The following PIWIL2 variants were observed in gnomAD, a reference collection of about 807,000 sequenced individuals.
PIWIL2 encodes the protein piwi like RNA-mediated gene silencing 2.
A neutral mutation model predicts 116.5 loss-of-function variants in PIWIL2; 81 were observed. The observed-to-expected ratio is 0.70, with a 90% CI of 0.58 to 0.84. PIWIL2 has a LOEUF of 0.84. PIWIL2 is among the 40% of genes least tolerant of loss of function. The probability of loss-of-function intolerance (pLI) is 0.00; values close to 1 mark genes in which losing one functional copy is unlikely to be tolerated. For synonymous variants in PIWIL2, 489 were observed against 429.5 expected (o/e 1.14, Z -1.71); for missense variants, 1,272 against 1,212.3 (o/e 1.05, Z -0.73).
At chr8:22,326,851 T>A (rs911097545) in intron 20 of PIWIL2, among the ~76,000 whole-genome samples, 7 of 152,108 alleles carry the variant, frequency 4.6e-5, no homozygotes, top group Admixed American at 4.6e-4. Flanking sequence ...CTTTTTGATA[T>A]ATACCTAGGA....
intron 2 of PIWIL2, among the ~76,000 whole-genome samples, chr8:22,280,144 C>A (rs996517985): frequency 1.3e-5 from 2 of 152,250 alleles, no homozygotes; most frequent in East Asian, 3.9e-4. Context: ...CTCTAGCTTC[C>A]GATCATCCCT....
At chr8:22,328,358 A>G (rs1831775397) in intron 20 of PIWIL2, among the ~76,000 whole-genome samples, 1 of 152,154 alleles carries the variant, frequency 6.6e-6, no homozygotes, top group Non-Finnish European at 1.5e-5. Flanking sequence ...TTGAAATTGG[A>G]GAGTGTGAGT....
In PIWIL2 at chr8:22,275,323, C is replaced by T. The variant is rs1002237942; in HGVS notation, c.-122C>T. 1.5e-4 allele frequency: 23 copies of T among 150,646 alleles called. No individual in the cohort carries two copies. Among genetic ancestry groups the T allele is most frequent in the African/African-American group, 4.6e-4 (19 of 41,438 alleles). The allele number at this position is 150,646 out of a possible 1,614,324, so 9.3% of individuals were successfully genotyped here. ...AAATTGGCCCTGGAGCATGTGGGCC[C>T]CGGGGCGTGGGTTGAGCTCGGTCTT... On this transcript the variant is annotated 5_prime_UTR_variant, in exon 1 of 23. Coordinates refer to ENST00000356766, the MANE Select transcript of PIWIL2 (RefSeq NM_018068.5).
chr8:22,353,667 G>GA, intron 21 of PIWIL2, among the ~76,000 whole-genome samples: 1 of 146,360 alleles, frequency 6.8e-6, no homozygotes, highest in South Asian at 2.3e-4. Context: ...TTAAAAACAA[G>GA]AAAGCTTTTA....
chr8:22,277,180 C>T (rs1410144508), intron 1 of PIWIL2, among the ~76,000 whole-genome samples: 1 of 152,042 alleles, frequency 6.6e-6, no homozygotes, highest in East Asian at 1.9e-4. Context: ...CACCACCATG[C>T]CTGGCTAATT....
chr8:22,354,275 G>A lies in PIWIL2; in HGVS notation c.2662G>A (p.Asp888Asn). 1.2e-6 allele frequency: 2 copies of A among 1,608,116 alleles called. No individual in the cohort carries two copies. The highest frequency in any genetic ancestry group is 4.5e-5 in the East Asian group (2 of 44,850). The change falls in exon 22 of 23, where the codon GAT (aspartate) becomes AAT (asparagine). Residue 888 changes from aspartate (D) to asparagine (N), a missense_variant. Asp to Asn is a conservative substitution (Grantham distance 23). Coordinates refer to ENST00000356766, the MANE Select transcript of PIWIL2 (RefSeq NM_018068.5). ...ATTTATGGTTTTCCTTCCTAGGGTG[G>A]ATTTCTATCTTCTTGCCCATCATGT... ...DHTITSCEWV[D>N]FYLLAHHVRQ...
rs149358317 is a variant in PIWIL2 at position 22,308,837 on chromosome 8, C to T, written c.1686+764C>T. 5.5e-4 allele frequency among the ~76,000 whole-genome samples: 84 copies of T among 152,160 alleles called. No individual in the cohort carries two copies. In the East Asian group the frequency reaches 0.016, roughly 28 times the overall value. ...CTAATTTTTGTATTTTTAGTAGAGA[C>T]GGAGTTTCACCATGTTGCCATGGCT... On this transcript the variant is annotated intron_variant, in intron 14 of 22. Transcript: ENST00000356766.
At position 22,297,147 on chromosome 8, in the gene PIWIL2, C is replaced by T. The variant is rs145442655; in HGVS notation, c.1181+6801C>T. On this transcript the variant is annotated intron_variant, in intron 10 of 22. Coordinates refer to ENST00000356766, the MANE Select transcript of PIWIL2 (RefSeq NM_018068.5). ...GGGACTACAGGGATGCACCATCACA[C>T]CTGGCTAATGTTTTAATTTTTTCAT... Among the ~76,000 whole-genome samples the T allele has an allele frequency of 1.4e-4, 21 of 152,066 alleles. No homozygotes were observed. In the East Asian group the frequency reaches 4.1e-3, roughly 29 times the overall value.
At chr8:22,281,656 TA>T (rs1226353652) in intron 4 of PIWIL2, 141 bp downstream of exon 4, 3 of 675,130 alleles carry the variant, frequency 4.4e-6, no homozygotes, top group Non-Finnish European at 6.9e-6. Context: ...TTCTCAAGAG[TA>T]GTCAGCAGCT....
chr8:22,337,730 C>CA (rs939871736), intron 20 of PIWIL2, among the ~76,000 whole-genome samples: 43 of 145,848 alleles, frequency 2.9e-4, no homozygotes, highest in African/African-American at 4.0e-4. Context: ...AACTCTGTCT[C>CA]AAAAAAAAAA....
chr8:22,307,630 C>T (rs547463536), intron 13 of PIWIL2, among the ~76,000 whole-genome samples: 16 of 151,814 alleles, frequency 1.1e-4, no homozygotes, highest in South Asian at 4.2e-4. Flanking sequence ...GTACAGGGCA[C>T]GCACCACCAT....
chr8:22,296,451 CAGA>C (rs1052543549), intron 10 of PIWIL2, among the ~76,000 whole-genome samples: 4 of 152,132 alleles, frequency 2.6e-5, no homozygotes, highest in African/African-American at 9.7e-5. Flanking sequence ...CAGTATTTTC[CAGA>C]AGAAGTATGC....
At chr8:22,327,888 C>A (rs1831764060) in intron 20 of PIWIL2, among the ~76,000 whole-genome samples, 1 of 152,084 alleles carries the variant, frequency 6.6e-6, no homozygotes, top group Admixed American at 6.6e-5. Flanking sequence ...CAAATATCTC[C>A]CCCCATTCTT....
At chr8:22,345,255 C>T (rs1832199093) in intron 20 of PIWIL2, among the ~76,000 whole-genome samples, 1 of 152,110 alleles carries the variant, frequency 6.6e-6, no homozygotes, top group Non-Finnish European at 1.5e-5. Context: ...TAGGTATGTA[C>T]CCAAGAAAAT....
chr8:22,314,144 C>G (rs1831397199), intron 16 of PIWIL2, among the ~76,000 whole-genome samples, 184 bp from the exon 17 acceptor site: 1 of 152,110 alleles, frequency 6.6e-6, no homozygotes, highest in Non-Finnish European at 1.5e-5. Context: ...AGCCCTGAGC[C>G]AAAGAATGCT....
chr8:22,311,925 A>G (rs1831341396), intron 16 of PIWIL2, among the ~76,000 whole-genome samples: 2 of 152,176 alleles, frequency 1.3e-5, no homozygotes, highest in African/African-American at 2.4e-5. Flanking sequence ...CTAGAATTCA[A>G]TCATCTTGGC....
chr8:22,349,392 A>G, intron 20 of PIWIL2, among the ~76,000 whole-genome samples: 1 of 142,432 alleles, frequency 7.0e-6, no homozygotes, highest in Non-Finnish European at 1.5e-5. Flanking sequence ...CTCGGTCTCA[A>G]CTTTTGTGTA....
intron 20 of PIWIL2, among the ~76,000 whole-genome samples, chr8:22,330,696 C>CT (rs1831837565): frequency 2.5e-4 from 19 of 75,888 alleles, no homozygotes; most frequent in Non-Finnish European, 4.1e-4. Context: ...GACTCTGTCT[C>CT]AAAATAAATA....
At chr8:22,349,126 G>A (rs1172421460) in intron 20 of PIWIL2, among the ~76,000 whole-genome samples, 1 of 144,394 alleles carries the variant, frequency 6.9e-6, no homozygotes, top group Admixed American at 7.3e-5. Flanking sequence ...TCTGCTCACT[G>A]CAACCTCTGC....
Sources: allele counts gnomAD v4.1 joint callset (sites outside exome capture counted in the v4.1 genomes callset), GRCh38; gene constraint gnomAD v4.1.1; transcripts MANE v1.5; gene names NCBI Gene and HGNC (gene_info 2026-07-23, HGNC 2026-07-21).